SMAP2: variants seen among roughly 807,000 people sequenced by gnomAD.
SMAP2 encodes the protein stromal membrane-associated protein 2.
A neutral mutation model predicts 56.4 loss-of-function variants in SMAP2; 25 were observed. The ratio of observed to expected loss-of-function variants is 0.44; its 90% CI spans 0.32 to 0.62. SMAP2 has a LOEUF of 0.62. Among genes scored for constraint, SMAP2 ranks in the 20% least tolerant of loss-of-function variants. SMAP2 has a pLI of 0.04. For missense variants in SMAP2, 388 were observed against 545.6 expected, an observed-to-expected ratio of 0.71 and a Z score of 2.88; for synonymous variants, 157 against 181.7, an observed-to-expected ratio of 0.86 and a Z score of 1.09.
chr1:40,422,131 C>T lies in SMAP2; in HGVS notation c.*30C>T. 6.2e-7 allele frequency: 1 copy of T among 1,611,898 alleles called. No homozygotes were observed. Among genetic ancestry groups the T allele is most frequent in the Non-Finnish European group, 8.5e-7 (1 of 1,179,294 alleles). On this transcript the variant is annotated 3_prime_UTR_variant, in exon 10 of 10. Transcript: ENST00000372718. ...AAAACACCTGTATGGCTGCCATTCT[C>T]TTCAGCCCTCGCTCTCCCCTTTCCA...
intron 2 of SMAP2, among the ~76,000 whole-genome samples, chr1:40,363,896 C>T (rs1340994513): frequency 2.6e-5 from 4 of 152,190 alleles, no homozygotes; most frequent in Non-Finnish European, 5.9e-5. Flanking sequence ...CCAGAGGCAG[C>T]ATTTAGACCA....
In SMAP2 at chr1:40,393,416, C is replaced by G. The variant is rs777689818; in HGVS notation, c.104-13320C>G. The G allele has an allele frequency of 5.1e-5, 78 of 1,535,478 alleles. No individual in the cohort carries two copies. The South Asian group carries it at 8.9e-4, about 18-fold the overall frequency. On this transcript the variant is annotated intron_variant, in intron 1 of 9. Coordinates refer to ENST00000372718, the MANE Select transcript of SMAP2 (RefSeq NM_022733.3). ...TTGGAATAGGAAGGAGAAAAGGCTT[C>G]ATGGGGAAAGTGGGCAGAGCAAGAT...
upstream of SMAP2, among the ~76,000 whole-genome samples, chr1:40,372,654 G>T (rs1228662343): frequency 1.3e-5 from 2 of 152,200 alleles, no homozygotes; most frequent in African/African-American, 2.4e-5. Context: ...CTGATGAGAT[G>T]AAAGCTTTGA....
In SMAP2 at chr1:40,374,913, A is replaced by G. The variant is rs1644528167; in HGVS notation, c.103+690A>G. ...TGGAGGCCTATGTATGAGTGGTGGC[A>G]GAAACTAGCCGATTATGCCTGTAGT... is the stretch of plus-strand genomic sequence containing the variant. On this transcript the variant is annotated intron_variant, in intron 1 of 9. Transcript: ENST00000372718. This position sits in a 1 kb window ranked among gnomAD's most constrained non-coding sequence, Gnocchi z 5.9. The G allele has an allele frequency of 1.0e-6, 1 of 985,304 alleles. No individual in the cohort carries two copies. The highest frequency in any genetic ancestry group is 1.2e-6 in the Non-Finnish European group (1 of 829,934). 61.0% of individuals were successfully genotyped at this position (985,304 alleles called of 1,614,324 possible).
At chr1:40,371,724 G>C (rs559221756), upstream of SMAP2, among the ~76,000 whole-genome samples, 9 of 152,276 alleles carry the variant, frequency 5.9e-5, no homozygotes, top group African/African-American at 2.2e-4. Context: ...CCTACCATGT[G>C]CTCAGAAGGC....
chr1:40,421,840 G>T, intron 9 of SMAP2, 136 bp from the exon 10 acceptor site: 3 of 980,138 alleles, frequency 3.1e-6, no homozygotes, highest in Non-Finnish European at 4.6e-6. Context: ...AAGGTCCAGG[G>T]TTTACTGTCC....
intron 1 of SMAP2, among the ~76,000 whole-genome samples, chr1:40,379,688 C>T (rs1276198899): frequency 1.3e-5 from 2 of 151,224 alleles, no homozygotes; most frequent in Non-Finnish European, 2.9e-5. Context: ...GGATTACAGG[C>T]ACCTGACTAA....
At position 40,422,227 on chromosome 1, in the gene SMAP2, A is replaced by G. The variant is rs1645050785; in HGVS notation, c.*126A>G. 2 of 1,364,946 alleles carry G rather than the reference A, an allele frequency of 1.5e-6. No individual in the cohort carries two copies. Among genetic ancestry groups the G allele is most frequent in the Non-Finnish European group, 2.0e-6 (2 of 1,011,808 alleles). The allele number at this position is 1,364,946 out of a possible 1,614,324, so 84.6% of individuals were successfully genotyped here. The stretch of plus-strand genomic sequence containing the variant: ...TGGTTTAGAAATTGCTCAATAAGTC[A>G]TTTGGGGTTTGGCATCCTGCCCAGC... On this transcript the variant is annotated 3_prime_UTR_variant, in exon 10 of 10. Coordinates refer to ENST00000372718, the MANE Select transcript of SMAP2 (RefSeq NM_022733.3).
intron 1 of SMAP2, among the ~76,000 whole-genome samples, chr1:40,404,331 T>C (rs1320385042): frequency 6.6e-6 from 1 of 152,020 alleles, no homozygotes; most frequent in African/African-American, 2.4e-5. Context: ...CAGGTAGGGA[T>C]TTGGTGGGGA....
intron 1 of SMAP2, among the ~76,000 whole-genome samples, chr1:40,358,834 C>G (rs909680310): frequency 3.3e-5 from 5 of 152,136 alleles, no homozygotes; most frequent in African/African-American, 1.2e-4. Flanking sequence ...AAGTTTCTAG[C>G]TATTAATGTA....
intron 1 of SMAP2, among the ~76,000 whole-genome samples, chr1:40,361,737 T>C (rs76502405): frequency 0.011 from 1,606 of 152,134 alleles, 29 homozygotes; most frequent in African/African-American, 0.037. Flanking sequence ...AGGGAGAGAC[T>C]CCTCTGCTTG....
intron 1 of SMAP2, among the ~76,000 whole-genome samples, chr1:40,349,464 A>C (rs572807514): frequency 9.2e-5 from 14 of 152,206 alleles, no homozygotes; most frequent in African/African-American, 3.1e-4. Context: ...AGAGCTTTTT[A>C]TTATTTTGAA....
chr1:40,372,827 C>CCCTA (rs1644505797), upstream of SMAP2, among the ~76,000 whole-genome samples: 1 of 152,148 alleles, frequency 6.6e-6, no homozygotes, highest in African/African-American at 2.4e-5. Context: ...TTTCCCTCTC[C>CCCTA]CCTAGTACAG....
intron 1 of SMAP2, among the ~76,000 whole-genome samples, chr1:40,390,022 C>T (rs1644701715): frequency 6.6e-6 from 1 of 150,618 alleles, no homozygotes; most frequent in Non-Finnish European, 1.5e-5. Context: ...CCCCCTTATG[C>T]CATATATTTT....
At chr1:40,353,979 A>G (rs1468719101) in intron 1 of SMAP2, among the ~76,000 whole-genome samples, 2 of 152,120 alleles carry the variant, frequency 1.3e-5, no homozygotes, top group Non-Finnish European at 2.9e-5. Context: ...ATCAGGATAA[A>G]AATACAATAG....
At chr1:40,392,854 C>G (rs1039294811) in intron 1 of SMAP2, among the ~76,000 whole-genome samples, 1 of 152,054 alleles carries the variant, frequency 6.6e-6, no homozygotes, top group African/African-American at 2.4e-5. Context: ...AATCGCAGCA[C>G]GTTGGGAGGC....
intron 1 of SMAP2, among the ~76,000 whole-genome samples, chr1:40,356,292 G>A (rs1644435305): frequency 6.6e-6 from 1 of 152,188 alleles, no homozygotes; most frequent in Non-Finnish European, 1.5e-5. Flanking sequence ...CAATAAACAG[G>A]ACAGTGCAGA....
At chr1:40,351,721 C>T (rs1644410021) in intron 1 of SMAP2, among the ~76,000 whole-genome samples, 2 of 152,110 alleles carry the variant, frequency 1.3e-5, no homozygotes, top group South Asian at 2.1e-4. Context: ...AGGCTCGTCT[C>T]GAACTCCTAA....
chr1:40,402,690 A>AAT (rs1448262692), intron 1 of SMAP2, among the ~76,000 whole-genome samples: 18 of 152,052 alleles, frequency 1.2e-4, no homozygotes, highest in Non-Finnish European at 2.2e-4. Flanking sequence ...TGTACCCATT[A>AAT]ATCAACCTCA....
Sources: allele counts gnomAD v4.1 joint callset (sites outside exome capture counted in the v4.1 genomes callset), GRCh38; gene constraint gnomAD v4.1.1; non-coding constraint Gnocchi (gnomAD v3.1); transcripts MANE v1.5; gene names NCBI Gene and HGNC (gene_info 2026-07-23, HGNC 2026-07-21).